Variants in KCNU1 observed in about 807,000 individuals in gnomAD.
KCNU1 encodes potassium channel subfamily U member 1.
A neutral mutation model predicts 126.8 loss-of-function variants in KCNU1; 93 were observed. The ratio of observed to expected loss-of-function variants is 0.73; its 90% CI spans 0.62 to 0.87. KCNU1 has a LOEUF of 0.87. KCNU1 is among the 40% of genes least tolerant of loss of function. The pLI is 0.00. For missense variants in KCNU1, 1,330 were observed against 1,367.1 expected (o/e 0.97, Z 0.43); for synonymous variants, 523 against 494.2 (o/e 1.06, Z -0.77).
intron 10 of KCNU1, among the ~76,000 whole-genome samples, chr8:36,830,832 T>C (rs1444623416): frequency 6.6e-6 from 1 of 150,886 alleles, no homozygotes; most frequent in South Asian, 2.1e-4. Context: ...TATGTATACA[T>C]GTGCCATGCT....
intron 26 of KCNU1, among the ~76,000 whole-genome samples, chr8:36,933,414 T>A (rs894718620): frequency 6.6e-6 from 1 of 152,116 alleles, no homozygotes; most frequent in African/African-American, 2.4e-5. Flanking sequence ...CTGGACTCAT[T>A]GGGTAAATAT....
chr8:36,832,494 TAA>T (rs1460135699), intron 10 of KCNU1, among the ~76,000 whole-genome samples: 1 of 152,190 alleles, frequency 6.6e-6, no homozygotes, highest in African/African-American at 2.4e-5. Context: ...TCATTTTGGC[TAA>T]GTTTTCAGAG....
chr8:36,905,110 C>G (rs548173623), intron 19 of KCNU1, among the ~76,000 whole-genome samples: 1 of 152,266 alleles, frequency 6.6e-6, no homozygotes, highest in Admixed American at 6.5e-5. Flanking sequence ...TTGTGTCTAA[C>G]TGCAGTGTGG....
At chr8:36,803,382 A>G (rs1803381101) in intron 2 of KCNU1, among the ~76,000 whole-genome samples, 1 of 152,182 alleles carries the variant, frequency 6.6e-6, no homozygotes, top group Non-Finnish European at 1.5e-5. Context: ...CTCAAATATC[A>G]TGAAAGCTGC....
chr8:36,879,207 G>GTATATATATATATATATA (rs1482123765), intron 19 of KCNU1, among the ~76,000 whole-genome samples: 2 of 53,864 alleles, frequency 3.7e-5, no homozygotes, highest in South Asian at 5.6e-4. Context: ...GTGTGTGTGT[G>GTATATATATATATATATA]TGTGTATATA....
chr8:36,831,900 G>A (rs796850511), intron 10 of KCNU1, among the ~76,000 whole-genome samples: 57 of 152,034 alleles, frequency 3.7e-4, no homozygotes, highest in African/African-American at 1.3e-3. Flanking sequence ...TAGGTCTAAC[G>A]TTTAAGTCTT....
At chr8:36,922,253 C>T (rs1027277472) in intron 23 of KCNU1, among the ~76,000 whole-genome samples, 1 of 152,000 alleles carries the variant, frequency 6.6e-6, no homozygotes, top group African/African-American at 2.4e-5. Context: ...GCCTGTGCTC[C>T]AGCAATGTCC....
At position 36,784,744 on chromosome 8, in the gene KCNU1, G is replaced by C. The variant is rs531484324; in HGVS notation, c.195+139G>C. ...CTTCTATAGCCTGGTGCCTCAGAAA[G>C]GGTGGTAAGCCAGACCTCAGGCCAC... On this transcript the variant is annotated intron_variant, in intron 1 of 26. Transcript: ENST00000399881. The C allele has an allele frequency of 3.0e-5, 21 of 690,040 alleles. No homozygotes were observed. The East Asian group carries it at 5.8e-4, about 19-fold the overall frequency. The allele number at this position is 690,040 out of a possible 1,614,324, so 42.7% of individuals were successfully genotyped here.
intron 18 of KCNU1, among the ~76,000 whole-genome samples, chr8:36,850,920 A>G (rs977580752): frequency 1.4e-4 from 21 of 152,212 alleles, no homozygotes; most frequent in African/African-American, 3.4e-4. Context: ...CTGGGTGTCA[A>G]TTGTATTCTA....
At chr8:36,885,509 G>A (rs888520860) in intron 19 of KCNU1, among the ~76,000 whole-genome samples, 2 of 151,998 alleles carry the variant, frequency 1.3e-5, no homozygotes, top group African/African-American at 2.4e-5. Context: ...GTGTGAGATC[G>A]CACCACTGCA....
intron 19 of KCNU1, among the ~76,000 whole-genome samples, chr8:36,870,047 C>T (rs1189582015): frequency 6.6e-6 from 1 of 152,166 alleles, no homozygotes; most frequent in Non-Finnish European, 1.5e-5. Flanking sequence ...TCCAAGTCGG[C>T]CTATAGCTTG....
rs1808834064 is a variant in KCNU1 at position 36,935,725 on chromosome 8, G to A, written c.3255G>A (p.Leu1085=). Residue 1085 remains leucine (L), a synonymous_variant, in exon 27 of 27, where the codon TTG becomes TTA. Coordinates refer to ENST00000399881, the MANE Select transcript of KCNU1 (RefSeq NM_001031836.3). The part of the protein sequence containing the change: ...PPTIDSVTET[L]YSPVYSYQPR... ...CCATTGATTCAGTTACTGAGACATT[G>A]TATTCACCAGTCTATTCTTACCAGC... 6 of 1,612,814 alleles carry A rather than the reference G, an allele frequency of 3.7e-6. No homozygotes were observed. The highest frequency in any genetic ancestry group is 3.3e-5 in the Admixed American group (2 of 59,952).
chr8:36,914,372 G>A (rs1226213351), intron 22 of KCNU1, among the ~76,000 whole-genome samples: 2 of 152,212 alleles, frequency 1.3e-5, no homozygotes, highest in Non-Finnish European at 2.9e-5. Flanking sequence ...AGAAGTCAAA[G>A]ATGCTGCTAA....
intron 22 of KCNU1, among the ~76,000 whole-genome samples, chr8:36,916,545 G>A (rs762618128): frequency 7.9e-5 from 12 of 151,998 alleles, no homozygotes; most frequent in Admixed American, 2.0e-4. Flanking sequence ...GAATAAAATA[G>A]AACTTTAATT....
intron 18 of KCNU1, among the ~76,000 whole-genome samples, chr8:36,859,885 G>C (rs1805666489): frequency 6.6e-6 from 1 of 152,060 alleles, no homozygotes; most frequent in Admixed American, 6.6e-5. Context: ...ATATAAATTG[G>C]TTATATTAAT....
intron 19 of KCNU1, among the ~76,000 whole-genome samples, chr8:36,899,880 C>T (rs912414763): frequency 1.3e-5 from 2 of 152,114 alleles, no homozygotes; most frequent in African/African-American, 4.8e-5. Context: ...CAAGTATCGC[C>T]ATTTGGGCAA....
In KCNU1 at chr8:36,833,873, A is replaced by G. The variant is rs182485944; in HGVS notation, c.1212+214A>G. 1.8e-4 allele frequency among the ~76,000 whole-genome samples: 28 copies of G among 152,308 alleles called. No individual in the cohort carries two copies. The East Asian group carries it at 5.2e-3, about 28-fold the overall frequency. On this transcript the variant is annotated intron_variant, in intron 11 of 26. Transcript: ENST00000399881. ...GTCAAGCAGACCTCACTGTTTGCCAACACTTATATTTAAATTATTTATTTC... is the reference window on the plus strand; with the variant it reads ...GTCAAGCAGACCTCACTGTTTGCCAGCACTTATATTTAAATTATTTATTTC...
At chr8:36,862,639 G>A (rs1805772999) in intron 18 of KCNU1, among the ~76,000 whole-genome samples, 1 of 152,102 alleles carries the variant, frequency 6.6e-6, no homozygotes, top group Non-Finnish European at 1.5e-5. Context: ...TTCAGATGAG[G>A]TTTTAAGAAT....
At chr8:36,787,202 A>T (rs924614446) in intron 1 of KCNU1, 104 bp from the exon 2 acceptor site, 1 of 1,040,322 alleles carries the variant, frequency 9.6e-7, no homozygotes, top group Non-Finnish European at 1.3e-6. Flanking sequence ...AGGTGGAGTG[A>T]TTTTCGACTG....
Sources: gnomAD v4.1 joint callset for allele counts (sites outside exome capture counted in the v4.1 genomes callset) on GRCh38, gnomAD v4.1.1 for gene constraint, MANE v1.5 for transcripts, NCBI Gene and HGNC (gene_info 2026-07-23, HGNC 2026-07-21) for gene names.